KATNIP: variants seen among roughly 807,000 people sequenced by gnomAD.
KATNIP encodes katanin-interacting protein.
A neutral mutation model predicts 174.0 loss-of-function variants in KATNIP; 126 were observed. That is an observed-to-expected ratio of 0.72 (90% CI 0.63 to 0.84). The LOEUF (loss-of-function observed/expected upper bound fraction) is 0.84. KATNIP is among the 40% of genes least tolerant of loss of function. The pLI, the probability that KATNIP is intolerant of heterozygous loss-of-function variation, is 0.00. For synonymous variants in KATNIP, 810 were observed against 835.7 expected, an observed-to-expected ratio of 0.97 and a Z score of 0.53; for missense variants, 1,958 against 2,109.7, an observed-to-expected ratio of 0.93 and a Z score of 1.41.
chr16:27,605,614 A>G (rs1282230375), intron 2 of KATNIP, among the ~76,000 whole-genome samples: 1 of 152,196 alleles, frequency 6.6e-6, no homozygotes, highest in Non-Finnish European at 1.5e-5. Context: ...GCATGCGCGT[A>G]GGATGTAATA....
chr16:27,556,878 TTTC>T (rs1472999444), intron 1 of KATNIP, among the ~76,000 whole-genome samples: 1 of 152,224 alleles, frequency 6.6e-6, no homozygotes, highest in African/African-American at 2.4e-5. Flanking sequence ...TCTGTTCTGT[TTTC>T]TTCTTGTTCC....
chr16:27,773,142 C>G lies in KATNIP; in HGVS notation c.4242C>G (p.Tyr1414Ter), dbSNP rs1208943540. The G allele has an allele frequency of 1.9e-6, 3 of 1,612,808 alleles. No individual in the cohort carries two copies. The highest frequency in any genetic ancestry group is 2.5e-6 in the Non-Finnish European group (3 of 1,179,426). Residue 1414 changes from tyrosine to a stop codon, truncating the protein, a stop_gained, in exon 23 of 28, where the codon TAC (tyrosine) becomes TAG (stop). Coordinates refer to ENST00000261588, the MANE Select transcript of KATNIP (RefSeq NM_015202.5). LOFTEE classifies it high-confidence loss of function. ...TTCTCACCAGCTGGGGCGACCCCTACTACATCGGCCTCACCGGCCTGGAGC... is the reference window on the plus strand; with the variant it reads ...TTCTCACCAGCTGGGGCGACCCCTAGTACATCGGCCTCACCGGCCTGGAGC... ...FQLLTSWGDP[Y>*]YIGLTGLELY... is the part of the protein sequence containing the mutation.
chr16:27,766,145 G>A lies in KATNIP; in HGVS notation c.3810-164G>A, dbSNP rs1310131490. ...ATTTCATAGATGAGAGACGACTTCT[G>A]ACTGTTGTTCTCAGCAGTCACACCT... On this transcript the variant is annotated intron_variant, in intron 19 of 27. Transcript: ENST00000261588. Among the ~76,000 whole-genome samples, 3 of 149,918 alleles carry A rather than the reference G, an allele frequency of 2.0e-5. No homozygotes were observed. The East Asian group carries it at 5.9e-4, about 29-fold the overall frequency.
rs531821602 is a variant in KATNIP at position 27,637,060 on chromosome 16, G to C, written c.408+5898G>C. Among the ~76,000 whole-genome samples the C allele has an allele frequency of 6.6e-6, 1 of 152,356 alleles. No individual in the cohort carries two copies. The highest frequency in any genetic ancestry group is 6.5e-5 in the Admixed American group (1 of 15,310). ...GTGCCTGCGCTCTCATTTGTCATGTGAGGTTGGTAATGGTAATTAATGAGG... is the reference window on the plus strand; with the variant it reads ...GTGCCTGCGCTCTCATTTGTCATGTCAGGTTGGTAATGGTAATTAATGAGG... On this transcript the variant is annotated intron_variant, in intron 5 of 27. Coordinates refer to ENST00000261588, the MANE Select transcript of KATNIP (RefSeq NM_015202.5). This position sits in a 1 kb window ranked among gnomAD's most constrained non-coding sequence, Gnocchi z 4.7.
At chr16:27,654,693 G>A (rs1378947847) in intron 6 of KATNIP, 1 of 1,351,888 alleles carries the variant, frequency 7.4e-7, no homozygotes, top group Non-Finnish European at 9.8e-7. Flanking sequence ...CCTTCAAGCA[G>A]CGTGGACAAA....
chr16:27,695,692 A>G (rs1477329362), intron 8 of KATNIP, among the ~76,000 whole-genome samples: 7 of 152,206 alleles, frequency 4.6e-5, no homozygotes, highest in Non-Finnish European at 7.3e-5. Context: ...GCACAGATAA[A>G]TATTTCCCCA....
chr16:27,719,289 C>T (rs1360348542), intron 13 of KATNIP, among the ~76,000 whole-genome samples: 3 of 152,164 alleles, frequency 2.0e-5, no homozygotes, highest in Admixed American at 6.5e-5. Context: ...CTCCAGGAAA[C>T]GGCCATCAGG....
At chr16:27,682,731 C>T (rs1597160218) in intron 8 of KATNIP, among the ~76,000 whole-genome samples, 2 of 152,258 alleles carry the variant, frequency 1.3e-5, no homozygotes, top group South Asian at 2.1e-4. Context: ...TATTTGCCCC[C>T]TCCAAGACTC....
intron 8 of KATNIP, among the ~76,000 whole-genome samples, chr16:27,690,363 T>TAGATAGATAGATAGATGATAGATAGATA (rs397837255): frequency 2.3e-4 from 21 of 91,040 alleles, no homozygotes; most frequent in South Asian, 7.3e-4. Context: ...GATAGATAGA[T>TAGATAGATAGATAGATGATAGATAGATA]GATAGATAGA....
intron 3 of KATNIP, among the ~76,000 whole-genome samples, chr16:27,622,257 C>T (rs2076217723): frequency 6.6e-6 from 1 of 152,100 alleles, no homozygotes; most frequent in African/African-American, 2.4e-5. Context: ...GCAAGGCCAC[C>T]TATAACTATG....
chr16:27,560,611 G>A (rs2089841940), intron 1 of KATNIP, among the ~76,000 whole-genome samples: 1 of 152,166 alleles, frequency 6.6e-6, no homozygotes, highest in African/African-American at 2.4e-5. Flanking sequence ...TGCCTTGCCT[G>A]TGCTGTGTTC....
At chr16:27,654,828 G>C in intron 6 of KATNIP, 1 of 1,206,366 alleles carries the variant, frequency 8.3e-7, no homozygotes, top group South Asian at 1.2e-5. Context: ...GACTCCGTGA[G>C]AGAGTCTAGG....
At chr16:27,574,029 A>G (rs1033021422) in intron 2 of KATNIP, 73 bp downstream of exon 2, 6 of 1,335,668 alleles carry the variant, frequency 4.5e-6, no homozygotes, top group Middle Eastern at 1.8e-4. Context: ...AGGGTGGCGA[A>G]TAAGTGTCCC....
At chr16:27,555,446 GA>G (rs2089578259) in intron 1 of KATNIP, among the ~76,000 whole-genome samples, 1 of 152,162 alleles carries the variant, frequency 6.6e-6, no homozygotes, top group Non-Finnish European at 1.5e-5. Context: ...TGACCTCTCT[GA>G]GCCTTGGTTT....
intron 1 of KATNIP, among the ~76,000 whole-genome samples, chr16:27,554,549 A>G (rs1030780492): frequency 6.6e-6 from 1 of 152,170 alleles, no homozygotes; most frequent in Non-Finnish European, 1.5e-5. Context: ...TTCTCCCAGG[A>G]TCTGCACCTT....
At chr16:27,772,404 G>T (rs113292258) in intron 22 of KATNIP, among the ~76,000 whole-genome samples, 2 of 152,232 alleles carry the variant, frequency 1.3e-5, no homozygotes, top group African/African-American at 2.4e-5. Flanking sequence ...TCTAAGGCCC[G>T]CTCTCTAGCC....
rs545850180 is a variant in KATNIP, at chr16:27,588,823, G to A, written c.63+14867G>A. Among the ~76,000 whole-genome samples the A allele has an allele frequency of 1.8e-3, 274 of 148,834 alleles. 2 individuals carry two copies. The highest frequency in any genetic ancestry group is 6.6e-3 in the African/African-American group (265 of 40,426). On this transcript the variant is annotated intron_variant, in intron 2 of 27. Coordinates refer to ENST00000261588, the MANE Select transcript of KATNIP (RefSeq NM_015202.5). ...ATTCCCCTTCCCAGAAATAACTGCT[G>A]TTATACATTGGATGTTCATCTTTCT...
At chr16:27,770,662 C>G (rs537564247) in intron 21 of KATNIP, among the ~76,000 whole-genome samples, 35 of 152,178 alleles carry the variant, frequency 2.3e-4, no homozygotes, top group Non-Finnish European at 4.7e-4. Flanking sequence ...GACAGCGGAC[C>G]AGGGAGAGGG....
chr16:27,712,820 T>A (rs993415674), intron 13 of KATNIP, among the ~76,000 whole-genome samples: 3 of 152,062 alleles, frequency 2.0e-5, no homozygotes, highest in Middle Eastern at 3.2e-3. Flanking sequence ...TATTATTATT[T>A]TTAGAGACAG....
Sources: allele counts gnomAD v4.1 joint callset (sites outside exome capture counted in the v4.1 genomes callset), GRCh38; gene constraint gnomAD v4.1.1; non-coding constraint Gnocchi (gnomAD v3.1); transcripts MANE v1.5; gene names NCBI Gene and HGNC (gene_info 2026-07-23, HGNC 2026-07-21).